The following JAK2 variants were observed in gnomAD, a reference collection of about 807,000 sequenced individuals.
JAK2 encodes Janus kinase 2, also known as tyrosine-protein kinase JAK2.
Under a neutral mutation model 139.3 loss-of-function variants are expected in JAK2, and 86 were observed. That is an observed-to-expected ratio of 0.62 (90% CI 0.52 to 0.74). The LOEUF (loss-of-function observed/expected upper bound fraction) is 0.74, where lower values mean the gene tolerates loss of function less well. JAK2 is among the 30% of genes least tolerant of loss of function. The probability of loss-of-function intolerance (pLI) is 0.00; values close to 1 mark genes in which losing one functional copy is unlikely to be tolerated. For synonymous variants in JAK2, 490 were observed against 437.7 expected (o/e 1.12, Z -1.49); for missense variants, 1,421 against 1,360.3 (o/e 1.04, Z -0.70).
chr9:4,994,958 G>A (rs1045147623), intron 2 of JAK2, among the ~76,000 whole-genome samples: 9 of 152,050 alleles, frequency 5.9e-5, no homozygotes, highest in African/African-American at 2.2e-4. Flanking sequence ...GTGTGTGTGT[G>A]ACTATAACTA....
intron 22 of JAK2, chr9:5,112,910 C>G (rs1158440941): frequency 3.4e-6 from 1 of 290,328 alleles, no homozygotes; most frequent in Non-Finnish European, 6.3e-6. Context: ...GCCCAGAACG[C>G]CCACTTGAGG....
chr9:5,084,873 T>A (rs1443297303), intron 19 of JAK2: 1 of 397,436 alleles, frequency 2.5e-6, no homozygotes, highest in Non-Finnish European at 4.8e-6. Context: ...AAATTGCCCA[T>A]CAATAAGTTT....
At chr9:5,050,930 A>G (rs1292936413) in intron 6 of JAK2, 99 bp downstream of exon 6, 8 of 986,384 alleles carry the variant, frequency 8.1e-6, no homozygotes, top group African/African-American at 1.7e-5. Context: ...TGATTTTGTA[A>G]TACTAGTTAA....
intron 22 of JAK2, among the ~76,000 whole-genome samples, chr9:5,096,506 G>A (rs1821002685): frequency 6.6e-6 from 1 of 152,226 alleles, no homozygotes; most frequent in South Asian, 2.1e-4. Context: ...GTGGGGGGAG[G>A]GTGGTAGGCC....
chr9:5,109,931 C>G (rs938984612), intron 22 of JAK2: 6 of 152,164 alleles, frequency 3.9e-5, no homozygotes, highest in African/African-American at 1.4e-4. Context: ...TACTAACTGG[C>G]TGACAATATG....
chr9:5,029,679 C>T (rs899819331), intron 3 of JAK2, 104 bp from the exon 4 acceptor site: 46 of 1,033,036 alleles, frequency 4.5e-5, no homozygotes, highest in Non-Finnish European at 5.4e-5. Context: ...CATTTTGTTC[C>T]GATTTTAAGA....
chr9:5,049,186 C>A (rs568693876), intron 5 of JAK2, among the ~76,000 whole-genome samples: 1 of 152,088 alleles, frequency 6.6e-6, no homozygotes, highest in African/African-American at 2.4e-5. Context: ...AAAGAGCCTC[C>A]GTAAATACAC....
intron 5 of JAK2, among the ~76,000 whole-genome samples, chr9:5,050,386 T>C (rs1452525582): frequency 6.6e-6 from 1 of 152,124 alleles, no homozygotes; most frequent in Non-Finnish European, 1.5e-5. Context: ...TCCTCCTACC[T>C]CAGCCCCCCA....
chr9:5,010,965 G>T (rs1198382002), intron 2 of JAK2, among the ~76,000 whole-genome samples: 1 of 152,070 alleles, frequency 6.6e-6, no homozygotes, highest in African/African-American at 2.4e-5. Flanking sequence ...TTGTCTTCTG[G>T]CCTCCATTAC....
chr9:5,073,527 C>G (rs987031809), intron 13 of JAK2, among the ~76,000 whole-genome samples, 171 bp from the exon 14 acceptor site: 4 of 152,272 alleles, frequency 2.6e-5, no homozygotes, highest in African/African-American at 9.6e-5. Flanking sequence ...TTCCTCAGAA[C>G]GTTGATGGCA....
In JAK2 at chr9:4,996,602, A is replaced by G. The variant is rs115991960; in HGVS notation, c.-26+10580A>G. ...AGGAGGGGCGGGGGTGATGTGAAAT[A>G]TAGTTTTCATTGCATCAGATCTTCA... is the stretch of plus-strand genomic sequence containing the variant. On this transcript the variant is annotated intron_variant, in intron 2 of 24. Coordinates refer to ENST00000381652, the MANE Select transcript of JAK2 (RefSeq NM_004972.4). Among the ~76,000 whole-genome samples, 768 of 152,076 alleles carry G rather than the reference A, an allele frequency of 5.1e-3. 7 individuals are homozygous for G. The highest frequency in any genetic ancestry group is 0.018 in the African/African-American group (741 of 41,484).
chr9:5,082,929 A>G (rs1819813673), intron 19 of JAK2, among the ~76,000 whole-genome samples: 1 of 152,212 alleles, frequency 6.6e-6, no homozygotes, highest in African/African-American at 2.4e-5. Flanking sequence ...ACAGATCAAA[A>G]TGGAATTTCT....
intron 22 of JAK2, chr9:5,100,322 T>C (rs1821372681): frequency 1.3e-5 from 2 of 152,206 alleles, no homozygotes; most frequent in Admixed American, 6.5e-5. Context: ...TAATAACATC[T>C]GGCCTGGCCA....
At chr9:5,124,520 A>G (rs1823848521) in intron 23 of JAK2, among the ~76,000 whole-genome samples, 1 of 151,794 alleles carries the variant, frequency 6.6e-6, no homozygotes, top group African/African-American at 2.4e-5. Flanking sequence ...TCCTATCAAA[A>G]TACCAATGTC....
intron 8 of JAK2, among the ~76,000 whole-genome samples, chr9:5,063,493 A>G (rs1182855721): frequency 1.3e-5 from 2 of 152,098 alleles, no homozygotes. Flanking sequence ...CTATGTTTTC[A>G]TCTCTCTTAT....
intron 4 of JAK2, among the ~76,000 whole-genome samples, chr9:5,031,743 G>A (rs2130172414): frequency 6.6e-6 from 1 of 152,326 alleles, no homozygotes; most frequent in Non-Finnish European, 1.5e-5. Context: ...TCAAATGTCT[G>A]AAGGTTTCCT....
At chr9:5,073,184 C>T (rs1274938827) in intron 13 of JAK2, among the ~76,000 whole-genome samples, 1 of 152,222 alleles carries the variant, frequency 6.6e-6, no homozygotes, top group Non-Finnish European at 1.5e-5. Flanking sequence ...CAGAATACCA[C>T]AGTATTGGTG....
intron 4 of JAK2, chr9:5,041,085 C>A: frequency 1.4e-6 from 1 of 706,358 alleles, no homozygotes. Flanking sequence ...CTACCTACTA[C>A]AGCCTGGAGG....
rs149080493 is a variant in JAK2, at chr9:5,014,298, C to T, written c.-25-7665C>T. Among the ~76,000 whole-genome samples the T allele has an allele frequency of 2.0e-3, 308 of 151,782 alleles. 1 individual carries two copies. Among genetic ancestry groups the T allele is most frequent in the African/African-American group, 7.1e-3 (292 of 41,362 alleles). ...GGATTACAGGTGTGAGCCACTGTAC[C>T]CAGCCTCTTATTTACTCTTTATTCA... On this transcript the variant is annotated intron_variant, in intron 2 of 24. Coordinates refer to ENST00000381652, the MANE Select transcript of JAK2 (RefSeq NM_004972.4).
Sources: gnomAD v4.1 joint callset for allele counts (sites outside exome capture counted in the v4.1 genomes callset) on GRCh38, gnomAD v4.1.1 for gene constraint, MANE v1.5 for transcripts, NCBI Gene and HGNC (gene_info 2026-07-23, HGNC 2026-07-21) for gene names.